NCOR1: variants seen among roughly 807,000 people sequenced by gnomAD.
NCOR1 encodes protein phosphatase 1, regulatory subunit 109.
A neutral mutation model predicts 288.1 loss-of-function variants in NCOR1; 63 were observed. That is an observed-to-expected ratio of 0.22 (90% confidence interval 0.18 to 0.27). NCOR1 has a LOEUF of 0.27. NCOR1 is among the 10% of genes least tolerant of loss of function. The pLI is 1.00. For synonymous variants in NCOR1, 1,007 were observed against 1,065.9 expected (o/e 0.94, Z 1.08); for missense variants, 2,397 against 3,019.2 (o/e 0.79, Z 4.83).
chr17:16,073,646 G>T, intron 27 of NCOR1, 77 bp from the exon 28 acceptor site: 1 of 1,161,408 alleles, frequency 8.6e-7, no homozygotes, highest in Non-Finnish European at 1.1e-6. Flanking sequence ...TAGTTTCATA[G>T]TCTATCTTAT....
Position 16,061,444 on chromosome 17 carries a change from A to T in NCOR1, c.5838T>A (p.Asp1946Glu), listed in dbSNP as rs776668038. The part of the protein sequence containing the change: ...IITRQIASDK[D>E]ARERGSQSSD... Reference sequence around the variant, plus strand: ...AACTTTGAGAGCCACGTTCCCTCGCATCCTTGTCCGAGGCAATTTGCCGGG... The same window carrying T: ...AACTTTGAGAGCCACGTTCCCTCGCTTCCTTGTCCGAGGCAATTTGCCGGG... The change falls in exon 37 of 46, where the codon GAT becomes GAA. Residue 1946 changes from aspartate (D) to glutamate (E), a missense_variant. Transcript: ENST00000268712. 1.9e-6 allele frequency: 3 copies of T among 1,614,214 alleles called. No homozygotes were observed. Among genetic ancestry groups the T allele is most frequent in the South Asian group, 1.1e-5 (1 of 91,080 alleles).
intron 20 of NCOR1, among the ~76,000 whole-genome samples, chr17:16,100,387 T>C (rs1265913807): frequency 3.3e-5 from 5 of 152,346 alleles, no homozygotes; most frequent in Admixed American, 6.5e-5. Context: ...ATGCCTGTAA[T>C]TCCAGCACTT....
chr17:16,190,658 T>C (rs1299336625), intron 2 of NCOR1, among the ~76,000 whole-genome samples: 1 of 152,020 alleles, frequency 6.6e-6, no homozygotes, highest in Non-Finnish European at 1.5e-5. Context: ...CCTGAAAGAA[T>C]TTCTAAAGGA....
intron 1 of NCOR1, among the ~76,000 whole-genome samples, chr17:16,199,414 G>A (rs1408852472): frequency 2.0e-5 from 3 of 152,006 alleles, no homozygotes; most frequent in South Asian, 4.1e-4. Context: ...TAACCAGAAT[G>A]TTTTCCTCAA....
chr17:16,057,384 T>G (rs1276598074), intron 40 of NCOR1, 130 bp downstream of exon 40: 1 of 858,944 alleles, frequency 1.2e-6, no homozygotes, highest in African/African-American at 1.7e-5. Flanking sequence ...GGAAGAAAGC[T>G]CATTTACACT....
At chr17:16,177,819 T>C (rs1055334259) in intron 3 of NCOR1, among the ~76,000 whole-genome samples, 1 of 152,206 alleles carries the variant, frequency 6.6e-6, no homozygotes, top group Non-Finnish European at 1.5e-5. Context: ...CCACCACCAA[T>C]TGAAATTTTC....
At chr17:16,040,885 A>T (rs533789552) in intron 42 of NCOR1, 2 of 191,020 alleles carry the variant, frequency 1.0e-5, no homozygotes, top group East Asian at 1.4e-4. Context: ...AAATAAATAA[A>T]TAAATAAAAA....
intron 18 of NCOR1, among the ~76,000 whole-genome samples, chr17:16,110,808 C>T (rs2069947721): frequency 6.6e-6 from 1 of 152,198 alleles, no homozygotes; most frequent in Admixed American, 6.5e-5. Context: ...GAGAAACAAT[C>T]ATTTTCTAAT....
At chr17:16,066,930 G>C (rs111246492) in intron 32 of NCOR1, among the ~76,000 whole-genome samples, 4 of 152,180 alleles carry the variant, frequency 2.6e-5, no homozygotes, top group African/African-American at 9.7e-5. Context: ...GCACCTGAAG[G>C]ATACTTATTA....
intron 7 of NCOR1, among the ~76,000 whole-genome samples, chr17:16,152,624 G>T (rs1001890249): frequency 6.6e-6 from 1 of 152,202 alleles, no homozygotes; most frequent in African/African-American, 2.4e-5. Context: ...ACGTGTGCAT[G>T]TGTCTTTACA....
intron 29 of NCOR1, 78 bp downstream of exon 29, chr17:16,072,067 T>C: frequency 8.8e-7 from 1 of 1,130,520 alleles, no homozygotes; most frequent in Non-Finnish European, 1.3e-6. Flanking sequence ...AAAGCAGAAA[T>C]ACACTGTAAA....
chr17:16,086,542 A>C (rs1457109858), intron 22 of NCOR1, 100 bp from the exon 23 acceptor site: 1 of 1,084,596 alleles, frequency 9.2e-7, no homozygotes, highest in Admixed American at 2.8e-5. Context: ...TCACTAATTA[A>C]AAAATGTAAG....
At chr17:16,087,211 G>A (rs946262700) in intron 22 of NCOR1, 13 of 1,304,132 alleles carry the variant, frequency 1.0e-5, no homozygotes, top group Non-Finnish European at 1.3e-5. Flanking sequence ...ATATCAGGCT[G>A]TGGAGCGGCT....
At chr17:16,194,094 A>G (rs1391532619) in intron 2 of NCOR1, among the ~76,000 whole-genome samples, 1 of 152,134 alleles carries the variant, frequency 6.6e-6, no homozygotes, top group East Asian at 1.9e-4. Flanking sequence ...AAAAAGAGAG[A>G]GGTCTTTATC....
At chr17:16,035,078 G>A (rs1973952189) in intron 44 of NCOR1, 134 bp from the exon 45 acceptor site, 2 of 800,886 alleles carry the variant, frequency 2.5e-6, no homozygotes, top group Non-Finnish European at 3.9e-6. Context: ...GGTACTCAAT[G>A]AAATAAAATA....
chr17:16,212,703 A>C (rs1399010876), intron 1 of NCOR1, among the ~76,000 whole-genome samples: 2 of 152,212 alleles, frequency 1.3e-5, no homozygotes, highest in Non-Finnish European at 2.9e-5. Flanking sequence ...CAGTCTATCC[A>C]AAGGCCTTTG....
chr17:16,074,239 G>T (rs2062110748), intron 27 of NCOR1, among the ~76,000 whole-genome samples: 1 of 152,290 alleles, frequency 6.6e-6, no homozygotes, highest in Non-Finnish European at 1.5e-5. Context: ...TAAGGTAGGG[G>T]TTTGCAGTTA....
intron 6 of NCOR1, among the ~76,000 whole-genome samples, chr17:16,153,940 C>T (rs2079268917): frequency 6.6e-6 from 1 of 151,200 alleles, no homozygotes; most frequent in African/African-American, 2.4e-5. Flanking sequence ...ACAAAGAAAA[C>T]CGCTAATTTG....
chr17:16,065,439 G>T, intron 33 of NCOR1, 46 bp downstream of exon 33: 1 of 1,588,236 alleles, frequency 6.3e-7, no homozygotes, highest in Non-Finnish European at 8.6e-7. Flanking sequence ...GAAACACTAG[G>T]TAAACATAAT....
Sources: gnomAD v4.1 joint callset for allele counts (sites outside exome capture counted in the v4.1 genomes callset) on GRCh38, gnomAD v4.1.1 for gene constraint, MANE v1.5 for transcripts, NCBI Gene and HGNC (gene_info 2026-07-23, HGNC 2026-07-21) for gene names.